DNAJC15: variants seen among roughly 807,000 people sequenced by gnomAD.
DNAJC15 encodes DnaJ heat shock protein family (Hsp40) member C15, also known as dnaJ homolog subfamily C member 15.
Under a neutral mutation model 22.4 loss-of-function variants are expected in DNAJC15, and 27 were observed. The observed-to-expected ratio is 1.20, with a 90% CI of 0.89 to 1.66. The LOEUF (loss-of-function observed/expected upper bound fraction) is 1.66, where lower values mean the gene tolerates loss of function less well. DNAJC15 is among the 40% of genes most tolerant of loss of function. DNAJC15 has a pLI of 0.00. For synonymous variants in DNAJC15, 79 were observed against 63.2 expected (o/e 1.25, Z -1.19); for missense variants, 208 against 187.1 (o/e 1.11, Z -0.65).
chr13:43,069,510 T>C (rs573683102), intron 3 of DNAJC15, among the ~76,000 whole-genome samples: 3 of 152,306 alleles, frequency 2.0e-5, no homozygotes, highest in East Asian at 3.9e-4. Flanking sequence ...GAACTTATTA[T>C]ACATTTTTGT....
intron 1 of DNAJC15, among the ~76,000 whole-genome samples, chr13:43,054,083 A>G (rs1234203972): frequency 2.0e-5 from 3 of 152,220 alleles, no homozygotes; most frequent in African/African-American, 7.2e-5. Flanking sequence ...TGTTCCTTCT[A>G]TCCTGATTTT....
At chr13:43,069,242 G>A (rs1267134540) in intron 3 of DNAJC15, among the ~76,000 whole-genome samples, 1 of 151,952 alleles carries the variant, frequency 6.6e-6, no homozygotes, top group Admixed American at 6.6e-5. Context: ...AATCTGTTTA[G>A]TAGTATTACA....
intron 1 of DNAJC15, among the ~76,000 whole-genome samples, chr13:43,037,893 C>G (rs776005550): frequency 3.3e-5 from 5 of 152,208 alleles, no homozygotes; most frequent in Non-Finnish European, 7.3e-5. Flanking sequence ...ATTCTAAAGT[C>G]TAATGATCCC....
chr13:43,095,070 C>T (rs1186978470), intron 5 of DNAJC15, among the ~76,000 whole-genome samples: 2 of 151,988 alleles, frequency 1.3e-5, no homozygotes, highest in African/African-American at 2.4e-5. Flanking sequence ...GTGTGAGCAT[C>T]TAACACACTA....
intron 5 of DNAJC15, among the ~76,000 whole-genome samples, chr13:43,093,776 T>C (rs1270608592): frequency 6.6e-6 from 1 of 152,160 alleles, no homozygotes; most frequent in Non-Finnish European, 1.5e-5. Context: ...AAACTTCTTA[T>C]ATATTAGTAT....
chr13:43,097,435 G>A (rs1251210175), intron 5 of DNAJC15, among the ~76,000 whole-genome samples: 2 of 152,206 alleles, frequency 1.3e-5, no homozygotes, highest in Non-Finnish European at 2.9e-5. Context: ...TGGCTTGCAA[G>A]CCATACTACA....
Position 43,108,536 on chromosome 13 carries a change from A to G in DNAJC15, c.*1288A>G, listed in dbSNP as rs995445095. On this transcript the variant is annotated 3_prime_UTR_variant, in exon 6 of 6. Coordinates refer to ENST00000379221, the MANE Select transcript of DNAJC15 (RefSeq NM_013238.3). The stretch of plus-strand genomic sequence containing the variant: ...TACTGCATTGTTTCTATCTTAAAAT[A>G]CTTTTTAGATATCCTAGATGCATCT... 6 of 152,150 alleles carry G rather than the reference A, an allele frequency of 3.9e-5. No homozygotes were observed. Among genetic ancestry groups the G allele is most frequent in the African/African-American group, 1.4e-4 (6 of 41,442 alleles). The allele number at this position is 152,150 out of a possible 1,614,324, so 9.4% of individuals were successfully genotyped here. A position where few individuals can be genotyped will look rare whatever the true frequency, so the allele number is the denominator to read the frequency against.
intron 1 of DNAJC15, among the ~76,000 whole-genome samples, chr13:43,063,159 G>A (rs766584377): frequency 7.9e-5 from 12 of 151,836 alleles, no homozygotes; most frequent in East Asian, 1.9e-4. Context: ...ACAGGCACAC[G>A]CTCCCATGCC....
At chr13:43,029,769 T>C (rs1307993608) in intron 1 of DNAJC15, among the ~76,000 whole-genome samples, 1 of 152,210 alleles carries the variant, frequency 6.6e-6, no homozygotes, top group East Asian at 1.9e-4. Flanking sequence ...TTCTTCTCTT[T>C]GAAATATGCC....
chr13:43,032,717 C>G (rs1364672297), intron 1 of DNAJC15, among the ~76,000 whole-genome samples: 1 of 152,016 alleles, frequency 6.6e-6, no homozygotes, highest in Admixed American at 6.6e-5. Flanking sequence ...CCCAGCTACT[C>G]GGGAGGCTGA....
At position 43,107,545 on chromosome 13, in the gene DNAJC15, ACACAC is replaced by A. The variant is rs2040803763; in HGVS notation, c.*298_*302del. The stretch of plus-strand genomic sequence containing the variant: ...CCCCTACACACACACACACACACAC[ACACAC>A]ACACACGTGCAAAAAATATGATCAA... On this transcript the variant is annotated 3_prime_UTR_variant, in exon 6 of 6. Transcript: ENST00000379221. 1 of 186,904 alleles carries A rather than the reference ACACAC, an allele frequency of 5.4e-6. No homozygotes were observed. Among genetic ancestry groups the A allele is most frequent in the Admixed American group, 6.1e-5 (1 of 16,330 alleles). 11.6% of individuals were successfully genotyped at this position (186,904 alleles called of 1,614,324 possible).
intron 1 of DNAJC15, among the ~76,000 whole-genome samples, chr13:43,033,705 T>C (rs2040414172): frequency 6.6e-6 from 1 of 152,104 alleles, no homozygotes; most frequent in Admixed American, 6.6e-5. Flanking sequence ...ACTGGGGTTT[T>C]AGGTTTTTGG....
chr13:43,059,348 G>C (rs1341716332), intron 1 of DNAJC15, among the ~76,000 whole-genome samples: 1 of 152,134 alleles, frequency 6.6e-6, no homozygotes, highest in African/African-American at 2.4e-5. Flanking sequence ...ATATCCTTCA[G>C]TGAGCTCATA....
intron 5 of DNAJC15, among the ~76,000 whole-genome samples, chr13:43,087,912 G>A (rs923427138): frequency 3.9e-5 from 6 of 152,106 alleles, no homozygotes; most frequent in Admixed American, 2.0e-4. Flanking sequence ...TCAATGTAGT[G>A]AGATAAAAAA....
At chr13:43,078,805 AAAATATC>A (rs1426520308) in intron 4 of DNAJC15, 117 bp downstream of exon 4, 1 of 755,838 alleles carries the variant, frequency 1.3e-6, no homozygotes, top group Admixed American at 3.4e-5. Context: ...GGCAGAGGAG[AAAATATC>A]AAATTTTTAT....
rs558582299 is a variant in DNAJC15 at position 43,045,654 on chromosome 13, A to C, written c.109-20032A>C. Among the ~76,000 whole-genome samples the C allele has an allele frequency of 2.6e-5, 4 of 152,328 alleles. No individual in the cohort carries two copies. The East Asian group carries it at 7.7e-4, about 29-fold the overall frequency. On this transcript the variant is annotated intron_variant, in intron 1 of 5. Transcript: ENST00000379221. ...GATTTTTAACTACTAGGTTTAGGCCATGCAGGCTCGGGCGTGGTTTTGGGC... is the reference window on the plus strand; with the variant it reads ...GATTTTTAACTACTAGGTTTAGGCCCTGCAGGCTCGGGCGTGGTTTTGGGC...
intron 1 of DNAJC15, among the ~76,000 whole-genome samples, chr13:43,035,394 T>C (rs2040424578): frequency 6.6e-6 from 1 of 152,218 alleles, no homozygotes; most frequent in African/African-American, 2.4e-5. Context: ...TTCATTCCTC[T>C]AAAGGACTGA....
At chr13:43,079,374 T>C (rs982863509) in intron 4 of DNAJC15, among the ~76,000 whole-genome samples, 1 of 152,198 alleles carries the variant, frequency 6.6e-6, no homozygotes, top group African/African-American at 2.4e-5. Flanking sequence ...CAAAAATGTT[T>C]TGATATCTTG....
At position 43,107,728 on chromosome 13, in the gene DNAJC15, A is replaced by G. The variant is rs2040804943; in HGVS notation, c.*480A>G. The G allele has an allele frequency of 6.6e-6, 1 of 152,098 alleles. No individual in the cohort carries two copies. The highest frequency in any genetic ancestry group is 1.9e-4 in the East Asian group (1 of 5,204). 9.4% of individuals were successfully genotyped at this position (152,098 alleles called of 1,614,324 possible). On this transcript the variant is annotated 3_prime_UTR_variant, in exon 6 of 6. Transcript: ENST00000379221. ...AAGCACTGGCTGATACCTCTTGGAG[A>G]TATGATCTGAAATGTAATGGAATTT...
Sources: allele counts gnomAD v4.1 joint callset (sites outside exome capture counted in the v4.1 genomes callset), GRCh38; gene constraint gnomAD v4.1.1; transcripts MANE v1.5; gene names NCBI Gene and HGNC (gene_info 2026-07-23, HGNC 2026-07-21).